The following CTNND2 variants were observed in gnomAD, a reference collection of about 807,000 sequenced individuals.
The protein encoded by CTNND2 is catenin delta 2.
Under a neutral mutation model 144.4 loss-of-function variants are expected in CTNND2, and 22 were observed. The ratio of observed to expected loss-of-function variants is 0.15; its 90% CI spans 0.11 to 0.22. CTNND2 has a LOEUF of 0.22. CTNND2 is among the 10% of genes least tolerant of loss of function. CTNND2 has a pLI of 1.00. For synonymous variants in CTNND2, 751 were observed against 695.6 expected (o/e 1.08, Z -1.25); for missense variants, 1,353 against 1,618.8 (o/e 0.84, Z 2.82).
chr5:11,086,460 G>A (rs1750154814), intron 15 of CTNND2, among the ~76,000 whole-genome samples: 2 of 152,198 alleles, frequency 1.3e-5, no homozygotes, highest in South Asian at 4.1e-4. Flanking sequence ...AACGTAAAAT[G>A]TGGCCACGCT....
intron 7 of CTNND2, among the ~76,000 whole-genome samples, chr5:11,382,082 T>C (rs1461122799): frequency 6.6e-6 from 1 of 152,166 alleles, no homozygotes; most frequent in African/African-American, 2.4e-5. Context: ...TCATGCAATA[T>C]ACCCAGCTAA....
rs930087818 is a variant in CTNND2 at position 11,687,050 on chromosome 5, A to C, written c.174+45086T>G. ...ATTTTGCCTTCCCAGAGTCTTTTAA[A>C]CTCACCCTCTCTCCCCATTTTCAAT... On this transcript the variant is annotated intron_variant, in intron 2 of 21. Coordinates refer to ENST00000304623, the MANE Select transcript of CTNND2 (RefSeq NM_001332.4). Among the ~76,000 whole-genome samples, 6 of 151,524 alleles carry C rather than the reference A, an allele frequency of 4.0e-5. No individual in the cohort carries two copies. The South Asian group carries it at 8.4e-4, about 21-fold the overall frequency.
chr5:11,033,281 C>A (rs541998968), intron 16 of CTNND2, among the ~76,000 whole-genome samples: 23 of 152,304 alleles, frequency 1.5e-4, no homozygotes, highest in African/African-American at 5.5e-4. Flanking sequence ...GACATCCAGT[C>A]AGAAGTTCCT....
rs201523369 is a variant in CTNND2 at position 11,072,457 on chromosome 5, C to A, written c.2788+10239G>T. Among the ~76,000 whole-genome samples, 7 of 152,276 alleles carry A rather than the reference C, an allele frequency of 4.6e-5. No homozygotes were observed. In the East Asian group the frequency reaches 1.3e-3, roughly 29 times the overall value. ...CATTGCTTAAGTACATTATAATACA[C>A]GAAATTGAATAGGAAAATTTTGTTT... On this transcript the variant is annotated intron_variant, in intron 16 of 21. Transcript: ENST00000304623.
intron 3 of CTNND2, chr5:11,508,377 C>T (rs1303879537): frequency 2.0e-5 from 3 of 152,058 alleles, no homozygotes. Context: ...TTGCCATGTT[C>T]CCGAGACTTC....
Position 11,401,476 on chromosome 5 carries a change from G to A in CTNND2, c.440-4273C>T, listed in dbSNP as rs140761713. Among the ~76,000 whole-genome samples the A allele has an allele frequency of 8.6e-4, 131 of 152,276 alleles. 1 individual carries two copies. The highest frequency in any genetic ancestry group is 3.1e-3 in the African/African-American group (127 of 41,550). ...AACCACACTAATGGAGTATCTGAAC[G>A]TGTGTTGAAAAAAATCCAGGACTGG... On this transcript the variant is annotated intron_variant, in intron 5 of 21. Coordinates refer to ENST00000304623, the MANE Select transcript of CTNND2 (RefSeq NM_001332.4).
chr5:11,792,618 T>C (rs901932462), intron 1 of CTNND2, among the ~76,000 whole-genome samples: 2 of 152,236 alleles, frequency 1.3e-5, no homozygotes, highest in African/African-American at 4.8e-5. Context: ...TCAAGGCCGA[T>C]GAATTGAGTG....
chr5:11,148,269 C>T (rs1049174927), intron 12 of CTNND2, among the ~76,000 whole-genome samples: 19 of 152,166 alleles, frequency 1.2e-4, no homozygotes, highest in African/African-American at 3.6e-4. Flanking sequence ...ACACTTTGAA[C>T]GTACCAAATG....
At chr5:11,164,990 T>A (rs1350429619) in intron 11 of CTNND2, among the ~76,000 whole-genome samples, 1 of 152,014 alleles carries the variant, frequency 6.6e-6, no homozygotes, top group Admixed American at 6.6e-5. Context: ...AAACAAGCAC[T>A]AAAGAAAAAT....
intron 9 of CTNND2, among the ~76,000 whole-genome samples, chr5:11,255,497 C>G (rs1324456233): frequency 1.3e-5 from 2 of 152,138 alleles, no homozygotes; most frequent in Admixed American, 6.6e-5. Flanking sequence ...AAAATACTTT[C>G]TTAGAACTAA....
intron 2 of CTNND2, among the ~76,000 whole-genome samples, chr5:11,730,057 T>C (rs1787283022): frequency 6.6e-6 from 1 of 152,186 alleles, no homozygotes; most frequent in African/African-American, 2.4e-5. Flanking sequence ...AGTCTTCATA[T>C]ATTAATTTTA....
chr5:11,713,561 G>A (rs926957318), intron 2 of CTNND2, among the ~76,000 whole-genome samples: 3 of 135,930 alleles, frequency 2.2e-5, no homozygotes, highest in Non-Finnish European at 4.6e-5. Context: ...TCCAGTCTGG[G>A]TGACAGAGTG....
At chr5:11,828,204 A>G (rs938145695) in intron 1 of CTNND2, among the ~76,000 whole-genome samples, 1 of 152,172 alleles carries the variant, frequency 6.6e-6, no homozygotes, top group African/African-American at 2.4e-5. Context: ...GTGATAGTGA[A>G]TAAGTCTCAT....
At chr5:11,318,901 A>G (rs574481549) in intron 9 of CTNND2, among the ~76,000 whole-genome samples, 48 of 151,016 alleles carry the variant, frequency 3.2e-4, no homozygotes, top group Non-Finnish European at 3.8e-4. Context: ...ACCCCTAGAA[A>G]AAACATATAG....
rs1475262131 is a variant in CTNND2 at position 10,988,092 on chromosome 5, GC to G, written c.3343+18del. 1 of 1,613,772 alleles carries G rather than the reference GC, an allele frequency of 6.2e-7. No individual in the cohort carries two copies. The highest frequency in any genetic ancestry group is 1.7e-5 in the Admixed American group (1 of 60,018). ...TCAAGCCACCAAGTTCCAGGAGGGG[GC>G]GCGCGAGGGGCGCTCACCTGTCATG... On this transcript the variant is annotated intron_variant, in intron 20 of 21. Coordinates refer to ENST00000304623, the MANE Select transcript of CTNND2 (RefSeq NM_001332.4). This position sits in a 1 kb window ranked among gnomAD's most constrained non-coding sequence, Gnocchi z 5.9.
intron 2 of CTNND2, among the ~76,000 whole-genome samples, chr5:11,594,928 T>C (rs1300529454): frequency 1.3e-5 from 2 of 152,232 alleles, no homozygotes; most frequent in South Asian, 2.1e-4. Context: ...AATTTTGGCT[T>C]CTTATTTTCT....
rs1738122560 is a variant in CTNND2 at position 11,903,928 on chromosome 5, C to A, written c.-75G>T. 8.2e-6 allele frequency: 11 copies of A among 1,338,684 alleles called. No individual in the cohort carries two copies. Among genetic ancestry groups the A allele is most frequent in the Non-Finnish European group, 1.1e-5 (11 of 1,045,330 alleles). The allele number at this position is 1,338,684 out of a possible 1,614,324, so 82.9% of individuals were successfully genotyped here. Reference sequence around the variant, plus strand: ...CGCCGCCCGGCTTCAGGGCAAGGTCCTGACCTTGCCCAACTGCAGCATCTT... The same window carrying A: ...CGCCGCCCGGCTTCAGGGCAAGGTCATGACCTTGCCCAACTGCAGCATCTT... On this transcript the variant is annotated 5_prime_UTR_variant, in exon 1 of 22. The change creates a new upstream start codon in the 5' untranslated region. Coordinates refer to ENST00000304623, the MANE Select transcript of CTNND2 (RefSeq NM_001332.4). This position sits in a 1 kb window ranked among gnomAD's most constrained non-coding sequence, Gnocchi z 5.4.
chr5:11,131,248 T>C (rs1233683441), intron 12 of CTNND2, among the ~76,000 whole-genome samples: 1 of 152,136 alleles, frequency 6.6e-6, no homozygotes, highest in Non-Finnish European at 1.5e-5. Context: ...AGATGCAATA[T>C]TCACTTCACC....
intron 18 of CTNND2, among the ~76,000 whole-genome samples, chr5:11,002,440 G>C (rs1740054064): frequency 6.6e-6 from 1 of 152,204 alleles, no homozygotes; most frequent in Admixed American, 6.5e-5. Flanking sequence ...GATGGAGAAG[G>C]ATACTCCTTG....
Sources: allele counts gnomAD v4.1 joint callset (sites outside exome capture counted in the v4.1 genomes callset), GRCh38; gene constraint gnomAD v4.1.1; non-coding constraint Gnocchi (gnomAD v3.1); transcripts MANE v1.5; gene names NCBI Gene and HGNC (gene_info 2026-07-23, HGNC 2026-07-21).